Variants in FRMD4A observed in about 807,000 individuals in gnomAD.
FRMD4A encodes the protein FERM domain containing 4A.
A neutral mutation model predicts 129.1 loss-of-function variants in FRMD4A; 29 were observed. The ratio of observed to expected loss-of-function variants is 0.22; its 90% confidence interval spans 0.17 to 0.31. The LOEUF (loss-of-function observed/expected upper bound fraction) is 0.31, where lower values mean the gene tolerates loss of function less well. Ranked by LOEUF, FRMD4A falls within the 10% of genes least tolerant of loss-of-function variation. FRMD4A has a pLI of 1.00. For synonymous variants in FRMD4A, 634 were observed against 571.6 expected, an observed-to-expected ratio of 1.11 and a Z score of -1.56; for missense variants, 1,272 against 1,375.8, an observed-to-expected ratio of 0.92 and a Z score of 1.19.
At chr10:13,663,548 AT>A in intron 18 of FRMD4A, 39 bp from the exon 19 acceptor site, 1 of 1,026,574 alleles carries the variant, frequency 9.7e-7, no homozygotes, top group Admixed American at 1.7e-5. Context: ...AGTTCAGCAC[AT>A]TCCTTCAGCA....
At chr10:13,672,795 C>A (rs192089631) in intron 16 of FRMD4A, among the ~76,000 whole-genome samples, 2 of 152,116 alleles carry the variant, frequency 1.3e-5, no homozygotes, top group Non-Finnish European at 2.9e-5. Flanking sequence ...GATGCAGGAA[C>A]AGCACAGATT....
At chr10:13,679,750 G>A (rs1164446173) in intron 15 of FRMD4A, among the ~76,000 whole-genome samples, 4 of 151,936 alleles carry the variant, frequency 2.6e-5, no homozygotes, top group Admixed American at 6.6e-5. Flanking sequence ...CTGGGGCAAG[G>A]GCTCGGAGCT....
chr10:13,885,402 G>T (rs191370625), intron 2 of FRMD4A, among the ~76,000 whole-genome samples: 1 of 152,144 alleles, frequency 6.6e-6, no homozygotes, highest in African/African-American at 2.4e-5. Context: ...GCAAGATGGC[G>T]CCATCCTCCC....
intron 6 of FRMD4A, among the ~76,000 whole-genome samples, chr10:13,772,835 T>G (rs1258019390): frequency 6.6e-6 from 1 of 152,152 alleles, no homozygotes; most frequent in African/African-American, 2.4e-5. Context: ...GAGGTGGGGA[T>G]CGTTAATGGG....
intron 21 of FRMD4A, among the ~76,000 whole-genome samples, chr10:13,658,132 T>A (rs1473233369): frequency 2.5e-5 from 2 of 81,274 alleles, no homozygotes; most frequent in African/African-American, 4.5e-5. Flanking sequence ...CTGTCTCTCT[T>A]AAAAAAAAAA....
intron 2 of FRMD4A, among the ~76,000 whole-genome samples, chr10:14,042,885 A>G (rs1416965571): frequency 7.4e-6 from 1 of 134,650 alleles, no homozygotes; most frequent in Non-Finnish European, 1.5e-5. Flanking sequence ...AGATCGTACC[A>G]CTGCACTCCA....
intron 15 of FRMD4A, among the ~76,000 whole-genome samples, chr10:13,691,541 A>G (rs2085691317): frequency 6.6e-6 from 1 of 152,164 alleles, no homozygotes; most frequent in African/African-American, 2.4e-5. Context: ...AGTCTCCCCA[A>G]TTAAAGCGAC....
At chr10:14,097,998 AT>A (rs537885751) in intron 2 of FRMD4A, among the ~76,000 whole-genome samples, 2 of 133,794 alleles carry the variant, frequency 1.5e-5, no homozygotes, top group Non-Finnish European at 3.3e-5. Context: ...TAAATTATAG[AT>A]TATATATAAA....
intron 2 of FRMD4A, among the ~76,000 whole-genome samples, chr10:14,034,185 C>A (rs1344845600): frequency 6.6e-6 from 1 of 152,164 alleles, no homozygotes; most frequent in Non-Finnish European, 1.5e-5. Context: ...GTGTACCCTG[C>A]CTTTCCCTAG....
At chr10:13,707,443 G>C in intron 12 of FRMD4A, 1 of 1,045,738 alleles carries the variant, frequency 9.6e-7, no homozygotes, top group Non-Finnish European at 1.2e-6. Flanking sequence ...TCCCTTCCAG[G>C]AGAGGGAGGA....
intron 3 of FRMD4A, among the ~76,000 whole-genome samples, chr10:13,849,460 T>C (rs1475567513): frequency 6.7e-6 from 1 of 149,976 alleles, no homozygotes; most frequent in African/African-American, 2.5e-5. Context: ...CCTGCTTTAC[T>C]TGGTAGAAAA....
rs2093120652 is a variant in FRMD4A, at chr10:13,796,416, C to G, written c.299+80G>C. 5 of 767,716 alleles carry G rather than the reference C, an allele frequency of 6.5e-6. No homozygotes were observed. The East Asian group carries it at 1.2e-4, about 19-fold the overall frequency. 47.6% of individuals were successfully genotyped at this position (767,716 alleles called of 1,614,324 possible). A position where few individuals can be genotyped will look rare whatever the true frequency, so the allele number is the denominator to read the frequency against. ...ACCAAGACAAACTTGAGCTCTCTTTCCTTGGAATCACTCTGCCCTCCCAGA... is the reference window on the plus strand; with the variant it reads ...ACCAAGACAAACTTGAGCTCTCTTTGCTTGGAATCACTCTGCCCTCCCAGA... On this transcript the variant is annotated intron_variant, in intron 5 of 24. Transcript: ENST00000357447.
chr10:13,961,825 G>A (rs954726572), intron 2 of FRMD4A, among the ~76,000 whole-genome samples: 2 of 152,216 alleles, frequency 1.3e-5, no homozygotes, highest in Non-Finnish European at 2.9e-5. Context: ...TAAGAATATG[G>A]AATCATATTT....
chr10:14,040,196 CG>C (rs1833723661), intron 2 of FRMD4A, among the ~76,000 whole-genome samples: 1 of 152,076 alleles, frequency 6.6e-6, no homozygotes, highest in Non-Finnish European at 1.5e-5. Flanking sequence ...CCTCTGGCTC[CG>C]GGGTCAGTGA....
At chr10:14,174,866 AGTGTGTGTGTGTCTGTGTG>A (rs1220828082) in intron 2 of FRMD4A, among the ~76,000 whole-genome samples, 1 of 139,524 alleles carries the variant, frequency 7.2e-6, no homozygotes, top group Non-Finnish European at 1.5e-5. Context: ...TAAAAAAAAA[AGTGTGTGTGTGTCTGTGTG>A]TGTGTGTGTG....
intron 3 of FRMD4A, among the ~76,000 whole-genome samples, chr10:13,848,939 T>C (rs1211656914): frequency 6.6e-6 from 1 of 152,206 alleles, no homozygotes; most frequent in African/African-American, 2.4e-5. Context: ...AGATTTACCA[T>C]TGCGTTATCT....
intron 2 of FRMD4A, among the ~76,000 whole-genome samples, chr10:14,025,974 G>A (rs1172975711): frequency 7.2e-5 from 11 of 152,086 alleles, no homozygotes; most frequent in Non-Finnish European, 1.6e-4. Context: ...GACGCTAATG[G>A]CCATCCTTGC....
At chr10:14,047,747 G>T (rs1834049041) in intron 2 of FRMD4A, among the ~76,000 whole-genome samples, 1 of 152,196 alleles carries the variant, frequency 6.6e-6, no homozygotes, top group Non-Finnish European at 1.5e-5. Flanking sequence ...AGTCCAGGAA[G>T]TATGGGAGAA....
At chr10:13,851,687 G>A (rs1589028282) in intron 3 of FRMD4A, among the ~76,000 whole-genome samples, 1 of 152,018 alleles carries the variant, frequency 6.6e-6, no homozygotes, top group East Asian at 1.9e-4. Context: ...GGATCATGAG[G>A]TCAGGAGATT....
Sources: allele counts gnomAD v4.1 joint callset (sites outside exome capture counted in the v4.1 genomes callset), GRCh38; gene constraint gnomAD v4.1.1; transcripts MANE v1.5; gene names NCBI Gene and HGNC (gene_info 2026-07-23, HGNC 2026-07-21).